Variants in CHODL observed in about 807,000 individuals in gnomAD.
CHODL encodes transmembrane protein MT75.
In CHODL, 29 loss-of-function variants were observed where a neutral mutation model predicts 34.5. The ratio of observed to expected loss-of-function variants is 0.84; its 90% CI spans 0.63 to 1.15. The LOEUF (loss-of-function observed/expected upper bound fraction) is 1.15, where lower values mean the gene tolerates loss of function less well. Ranked by LOEUF, CHODL falls within the 50% of genes most tolerant of loss-of-function variation. The probability of loss-of-function intolerance (pLI) is 0.00; values close to 1 mark genes in which losing one functional copy is unlikely to be tolerated. For missense variants in CHODL, 332 were observed against 332.5 expected, an observed-to-expected ratio of 1.00 and a Z score of 0.01; for synonymous variants, 125 against 116.1, an observed-to-expected ratio of 1.08 and a Z score of -0.49.
chr21:17,986,891 G>GT (rs1241310319), intron 1 of CHODL, among the ~76,000 whole-genome samples: 2 of 152,096 alleles, frequency 1.3e-5, no homozygotes, highest in Non-Finnish European at 2.9e-5. Context: ...AGATACATAC[G>GT]TTTTAATAGT....
intron 2 of CHODL, among the ~76,000 whole-genome samples, chr21:18,189,189 CAT>C (rs1296532646): frequency 1.3e-5 from 2 of 152,188 alleles, no homozygotes; most frequent in Non-Finnish European, 2.9e-5. Context: ...AATTTTCACA[CAT>C]GACTAACTTT....
At chr21:18,039,634 A>G (rs759997688) in intron 2 of CHODL, among the ~76,000 whole-genome samples, 8 of 151,716 alleles carry the variant, frequency 5.3e-5, no homozygotes, top group Non-Finnish European at 5.9e-5. Flanking sequence ...TGCTTTGACA[A>G]TATGGCTTCT....
chr21:18,013,152 A>G (rs981000944), intron 1 of CHODL, among the ~76,000 whole-genome samples: 1 of 152,196 alleles, frequency 6.6e-6, no homozygotes, highest in African/African-American at 2.4e-5. Context: ...CTTGATTAAT[A>G]ATGCACTCTC....
intron 1 of CHODL, among the ~76,000 whole-genome samples, chr21:17,992,902 C>A (rs1379153985): frequency 1.3e-5 from 2 of 152,040 alleles, no homozygotes; most frequent in East Asian, 3.9e-4. Context: ...GATCGCTTGC[C>A]TCAGCCTCCG....
chr21:17,969,147 G>A (rs1166193044), intron 1 of CHODL, among the ~76,000 whole-genome samples: 1 of 152,064 alleles, frequency 6.6e-6, no homozygotes, highest in Non-Finnish European at 1.5e-5. Flanking sequence ...CAAAGTCCTG[G>A]GTAATTTTCT....
chr21:18,171,116 T>G (rs74783310), intron 2 of CHODL, among the ~76,000 whole-genome samples: 25 of 3,238 alleles, frequency 7.7e-3, no homozygotes, highest in African/African-American at 0.037. Context: ...CAGAATTTGT[T>G]TTTTTTTTTA....
chr21:18,078,457 C>G (rs1347183073), intron 2 of CHODL, among the ~76,000 whole-genome samples: 1 of 152,102 alleles, frequency 6.6e-6, no homozygotes, highest in Non-Finnish European at 1.5e-5. Context: ...AGCTACAATT[C>G]AAGATGAAAT....
intron 2 of CHODL, among the ~76,000 whole-genome samples, chr21:18,230,705 G>T (rs756430120): frequency 1.4e-4 from 21 of 151,996 alleles, no homozygotes; most frequent in Admixed American, 3.3e-4. Flanking sequence ...GGAGTCAAAA[G>T]GTGGGCTAAT....
intron 2 of CHODL, among the ~76,000 whole-genome samples, chr21:18,194,575 C>A (rs572777413): frequency 2.0e-3 from 290 of 148,272 alleles, no homozygotes; most frequent in South Asian, 3.9e-3. Context: ...CCCTGAGCCT[C>A]AATTTAAATT....
At position 18,225,890 on chromosome 21, in the gene CHODL, A is replaced by C. The variant is rs2073926815; in HGVS notation, c.-44-30619A>C. Among the ~76,000 whole-genome samples, 12 of 152,276 alleles carry C rather than the reference A, an allele frequency of 7.9e-5. No individual in the cohort carries two copies. The South Asian group carries it at 2.5e-3, about 32-fold the overall frequency. On this transcript the variant is annotated intron_variant, in intron 2 of 6. Coordinates refer to the CHODL transcript ENST00000400127. ...CTCCAAATTAAATAAAAAACATACA[A>C]GTCTATAATAAACCTCTTAAAATAT...
intron 2 of CHODL, among the ~76,000 whole-genome samples, chr21:18,047,171 C>T (rs2064454055): frequency 6.6e-6 from 1 of 151,982 alleles, no homozygotes; most frequent in Non-Finnish European, 1.5e-5. Context: ...CTTTCTAACC[C>T]TTCTCCATTT....
chr21:17,969,312 G>A (rs1189023840), intron 1 of CHODL, among the ~76,000 whole-genome samples: 1 of 152,070 alleles, frequency 6.6e-6, no homozygotes, highest in Non-Finnish European at 1.5e-5. Context: ...CTTGAATTTT[G>A]CAATTTGTTT....
At chr21:18,216,674 G>T (rs2073831884) in intron 2 of CHODL, among the ~76,000 whole-genome samples, 1 of 152,144 alleles carries the variant, frequency 6.6e-6, no homozygotes, top group Admixed American at 6.6e-5. Context: ...AAAGGAAAGA[G>T]GTTTAATTGA....
chr21:18,192,882 AAG>A (rs1326768901), intron 2 of CHODL, among the ~76,000 whole-genome samples: 3 of 151,172 alleles, frequency 2.0e-5, no homozygotes, highest in Non-Finnish European at 4.4e-5. Flanking sequence ...AAAGAAAAGA[AAG>A]AGATTAATTT....
intron 2 of CHODL, among the ~76,000 whole-genome samples, chr21:18,201,799 A>C (rs944943847): frequency 8.0e-5 from 11 of 138,290 alleles, no homozygotes; most frequent in African/African-American, 3.1e-4. Flanking sequence ...ATTTTTAAAA[A>C]CTTTTTTTTT....
At chr21:18,241,874 C>T (rs577782693), upstream of CHODL, among the ~76,000 whole-genome samples, 1 of 152,234 alleles carries the variant, frequency 6.6e-6, no homozygotes, top group South Asian at 2.1e-4. Flanking sequence ...CCTGAAATTC[C>T]TTTGTGGCCA....
intron 2 of CHODL, among the ~76,000 whole-genome samples, chr21:18,082,523 A>T (rs1441189624): frequency 6.6e-6 from 1 of 152,194 alleles, no homozygotes; most frequent in South Asian, 2.1e-4. Context: ...AGATGGGGGA[A>T]AGTTTGGAAG....
chr21:17,964,065 A>T (rs1222768432), intron 1 of CHODL, among the ~76,000 whole-genome samples: 1 of 152,228 alleles, frequency 6.6e-6, no homozygotes, highest in African/African-American at 2.4e-5. Context: ...AAACTATTTA[A>T]TCAAGAGACT....
At chr21:18,038,043 A>T (rs1396772280) in intron 2 of CHODL, among the ~76,000 whole-genome samples, 3 of 151,546 alleles carry the variant, frequency 2.0e-5, no homozygotes, top group African/African-American at 7.3e-5. Flanking sequence ...CAGCTTTACA[A>T]TTTTTTTTAA....
Sources: gnomAD v4.1 joint callset for allele counts (sites outside exome capture counted in the v4.1 genomes callset) on GRCh38, gnomAD v4.1.1 for gene constraint, MANE v1.5 for transcripts, NCBI Gene and HGNC (gene_info 2026-07-23, HGNC 2026-07-21) for gene names.